The following FNBP1 variants were observed in gnomAD, a reference collection of about 807,000 sequenced individuals.
FNBP1 encodes formin binding protein 1, also known as formin-binding protein 1.
A neutral mutation model predicts 90.6 loss-of-function variants in FNBP1; 26 were observed. The observed-to-expected ratio is 0.29, with a 90% CI of 0.21 to 0.40. The LOEUF (loss-of-function observed/expected upper bound fraction) is 0.40, where lower values mean the gene tolerates loss of function less well. Among genes scored for constraint, FNBP1 ranks in the 10% least tolerant of loss-of-function variants. FNBP1 has a pLI of 1.00. For missense variants in FNBP1, 635 were observed against 768.0 expected (o/e 0.83, Z 2.05); for synonymous variants, 260 against 265.2 (o/e 0.98, Z 0.19).
intron 1 of FNBP1, among the ~76,000 whole-genome samples, chr9:130,023,125 G>C (rs1360907673): frequency 1.3e-5 from 2 of 151,876 alleles, no homozygotes; most frequent in Admixed American, 6.6e-5. Context: ...TGTAAGGGAG[G>C]GGGGAATTTA....
chr9:130,039,245 A>G (rs1246127640), intron 1 of FNBP1, among the ~76,000 whole-genome samples: 1 of 152,244 alleles, frequency 6.6e-6, no homozygotes, highest in Non-Finnish European at 1.5e-5. Flanking sequence ...TGTAACTTAC[A>G]ACAGATTCAG....
At chr9:129,953,060 G>C (rs1411869277) in intron 6 of FNBP1, among the ~76,000 whole-genome samples, 1 of 152,160 alleles carries the variant, frequency 6.6e-6, no homozygotes, top group African/African-American at 2.4e-5. Context: ...AAAAATACTA[G>C]AGAATACATA....
chr9:130,010,430 G>A (rs1458500323), intron 1 of FNBP1, among the ~76,000 whole-genome samples: 8 of 152,258 alleles, frequency 5.3e-5, no homozygotes, highest in Admixed American at 4.6e-4. Context: ...GATACTTTTT[G>A]TATTTTTAGT....
At chr9:130,048,719 C>G in the FNBP1 span, among the ~76,000 whole-genome samples, 5 of 150,322 alleles carry the variant, frequency 3.3e-5, no homozygotes, top group Admixed American at 2.0e-4. Context: ...ACCTCGTGAT[C>G]CACCCGCCTC....
intron 4 of FNBP1, among the ~76,000 whole-genome samples, chr9:129,964,089 T>C (rs1328108870): frequency 2.6e-5 from 4 of 152,226 alleles, no homozygotes; most frequent in Non-Finnish European, 5.9e-5. Context: ...CTATCTTCGC[T>C]GCTTTCACCG....
At chr9:129,898,631 A>T (rs2036247080) in intron 15 of FNBP1, among the ~76,000 whole-genome samples, 1 of 152,110 alleles carries the variant, frequency 6.6e-6, no homozygotes, top group Non-Finnish European at 1.5e-5. Context: ...CTGGAATTAC[A>T]GGCATGCGCT....
chr9:129,982,706 G>T (rs188491819), intron 2 of FNBP1, among the ~76,000 whole-genome samples: 77 of 152,068 alleles, frequency 5.1e-4, no homozygotes, highest in Admixed American at 1.4e-3. Context: ...CTGTCACCCG[G>T]ACTAGAGTGC....
chr9:129,981,418 T>G (rs149838934), intron 2 of FNBP1, among the ~76,000 whole-genome samples: 1 of 152,324 alleles, frequency 6.6e-6, no homozygotes, highest in Non-Finnish European at 1.5e-5. Flanking sequence ...AGGAACTCCA[T>G]GTGTCAGCAT....
At chr9:129,950,254 T>TGG (rs773619704) in intron 6 of FNBP1, among the ~76,000 whole-genome samples, 317 of 152,280 alleles carry the variant, frequency 2.1e-3, no homozygotes, top group Middle Eastern at 0.017. Flanking sequence ...CAAAATAACT[T>TGG]AAGAATTTCA....
At chr9:130,025,154 T>C (rs146303380) in intron 1 of FNBP1, among the ~76,000 whole-genome samples, 1,627 of 152,024 alleles carry the variant, frequency 0.011, 37 homozygotes, top group African/African-American at 0.038. Flanking sequence ...CACTCCAGCC[T>C]GGGTGACAGA....
chr9:129,893,634 A>AAAAAAAAAAAAAAAAAAAAC (rs2035344159), intron 16 of FNBP1, among the ~76,000 whole-genome samples: 1 of 139,140 alleles, frequency 7.2e-6, no homozygotes, highest in South Asian at 2.3e-4. Flanking sequence ...AAAAAAAAAA[A>AAAAAAAAAAAAAAAAAAAAC]AAAGCCAGGC....
At chr9:129,895,128 A>G (rs758044272) in intron 16 of FNBP1, 6 of 294,636 alleles carry the variant, frequency 2.0e-5, no homozygotes, top group Admixed American at 5.6e-5. Flanking sequence ...TCAGCAATGC[A>G]ATGTAAAAAT....
intron 1 of FNBP1, among the ~76,000 whole-genome samples, chr9:130,025,270 G>A (rs2058237182): frequency 6.6e-6 from 1 of 152,132 alleles, no homozygotes; most frequent in Non-Finnish European, 1.5e-5. Flanking sequence ...CTTAAGGAAT[G>A]TGCCTGATGA....
intron 16 of FNBP1, 166 bp downstream of exon 16, chr9:129,895,672 G>A: frequency 1.6e-6 from 2 of 1,281,766 alleles, no homozygotes. Flanking sequence ...GGCAATTCAG[G>A]TGCCCAGACC....
intron 4 of FNBP1, among the ~76,000 whole-genome samples, chr9:129,965,704 G>GCA (rs1430491989): frequency 1.9e-5 from 2 of 104,976 alleles, no homozygotes; most frequent in Admixed American, 1.1e-4. Flanking sequence ...ACACGCGCGC[G>GCA]CGCGCACACA....
chr9:130,035,186 T>G (rs756193133), intron 1 of FNBP1, among the ~76,000 whole-genome samples: 2 of 152,188 alleles, frequency 1.3e-5, no homozygotes, highest in Non-Finnish European at 2.9e-5. Flanking sequence ...GTGGCTAGCA[T>G]GCAGCCTCCT....
chr9:129,896,251 C>T (rs2131216518), intron 15 of FNBP1, among the ~76,000 whole-genome samples: 1 of 152,322 alleles, frequency 6.6e-6, no homozygotes, highest in South Asian at 2.1e-4. Flanking sequence ...TTTCTCCTCC[C>T]TCCCAGAATG....
At chr9:130,001,777 A>T (rs767457365) in intron 1 of FNBP1, among the ~76,000 whole-genome samples, 3 of 151,680 alleles carry the variant, frequency 2.0e-5, no homozygotes, top group Non-Finnish European at 4.4e-5. Context: ...TAATCCCAGC[A>T]CTTTGGGAGG....
chr9:129,977,723 C>T (rs2050560382), intron 4 of FNBP1, among the ~76,000 whole-genome samples: 1 of 152,110 alleles, frequency 6.6e-6, no homozygotes, highest in Admixed American at 6.6e-5. Flanking sequence ...AACTCCTTAG[C>T]TCAGGTGATC....
Sources: allele counts gnomAD v4.1 joint callset (sites outside exome capture counted in the v4.1 genomes callset), GRCh38; gene constraint gnomAD v4.1.1; transcripts MANE v1.5; gene names NCBI Gene and HGNC (gene_info 2026-07-23, HGNC 2026-07-21).